Variants in LTBP1 observed in about 807,000 individuals in gnomAD.
LTBP1 encodes the protein latent transforming growth factor beta binding protein 1.
A neutral mutation model predicts 207.6 loss-of-function variants in LTBP1; 129 were observed. That is an observed-to-expected ratio of 0.62 (90% confidence interval 0.54 to 0.72). LTBP1 has a LOEUF of 0.72. Among genes scored for constraint, LTBP1 ranks in the 30% least tolerant of loss-of-function variants. LTBP1 has a pLI of 0.00. For synonymous variants in LTBP1, 963 were observed against 833.7 expected, an observed-to-expected ratio of 1.16 and a Z score of -2.67; for missense variants, 2,281 against 2,217.2, an observed-to-expected ratio of 1.03 and a Z score of -0.58.
At chr2:33,066,637 A>T (rs749165260) in intron 3 of LTBP1, among the ~76,000 whole-genome samples, 8 of 152,244 alleles carry the variant, frequency 5.3e-5, no homozygotes, top group Admixed American at 1.3e-4. Context: ...CGGTATGCTG[A>T]CATTACCAGA....
intron 5 of LTBP1, among the ~76,000 whole-genome samples, chr2:33,150,231 G>A (rs569158508): frequency 1.4e-4 from 21 of 152,234 alleles, no homozygotes; most frequent in African/African-American, 4.8e-4. Context: ...TTGCCTGGGA[G>A]ACTTGGAATT....
At chr2:32,990,268 G>A (rs984826644) in intron 2 of LTBP1, among the ~76,000 whole-genome samples, 5 of 152,204 alleles carry the variant, frequency 3.3e-5, no homozygotes, top group African/African-American at 4.8e-5. Flanking sequence ...ACTGGATATC[G>A]TCATGGTCTC....
chr2:32,958,669 C>T (rs1374187796), intron 2 of LTBP1, among the ~76,000 whole-genome samples: 1 of 152,208 alleles, frequency 6.6e-6, no homozygotes, highest in African/African-American at 2.4e-5. Flanking sequence ...TAATGCTGTC[C>T]TCTAAATACT....
intron 2 of LTBP1, among the ~76,000 whole-genome samples, chr2:32,956,600 C>T (rs1442631166): frequency 6.6e-6 from 1 of 152,164 alleles, no homozygotes; most frequent in Admixed American, 6.5e-5. Flanking sequence ...TCTTGAACTC[C>T]TCCAAGTCAT....
chr2:33,011,608 T>C (rs1321940889), intron 2 of LTBP1, among the ~76,000 whole-genome samples: 1 of 152,002 alleles, frequency 6.6e-6, no homozygotes, highest in African/African-American at 2.4e-5. Flanking sequence ...CCTTGGACTT[T>C]TAGCTCCCAG....
chr2:33,133,406 C>T (rs1346563816), intron 4 of LTBP1, among the ~76,000 whole-genome samples: 1 of 152,318 alleles, frequency 6.6e-6, no homozygotes, highest in East Asian at 1.9e-4. Flanking sequence ...GGCACTGCTT[C>T]TTGACGGCCT....
At chr2:33,264,160 G>T (rs1345195654) in intron 15 of LTBP1, among the ~76,000 whole-genome samples, 1 of 150,836 alleles carries the variant, frequency 6.6e-6, no homozygotes, top group Non-Finnish European at 1.5e-5. Flanking sequence ...GAAGGCTGAG[G>T]CAGGAGAATG....
chr2:33,246,757 G>T (rs2092527886), intron 10 of LTBP1, among the ~76,000 whole-genome samples: 2 of 152,156 alleles, frequency 1.3e-5, no homozygotes, highest in African/African-American at 4.8e-5. Context: ...AGAATTCCTT[G>T]ACTGCAGCCA....
intron 7 of LTBP1, among the ~76,000 whole-genome samples, chr2:33,213,786 T>C (rs1053865978): frequency 2.4e-4 from 37 of 152,232 alleles, no homozygotes; most frequent in African/African-American, 3.9e-4. Flanking sequence ...CTTATTCTTA[T>C]ACTGTGCAGA....
chr2:33,362,157 C>A (rs764361521), intron 28 of LTBP1, among the ~76,000 whole-genome samples: 17 of 152,140 alleles, frequency 1.1e-4, no homozygotes, highest in Non-Finnish European at 2.1e-4. Context: ...TTGACATTTT[C>A]ATGATAGAGA....
In LTBP1 at chr2:33,321,345, G is replaced by A. The variant is rs1466542522; in HGVS notation, c.3730+6076G>A. On this transcript the variant is annotated intron_variant, in intron 24 of 33. Coordinates refer to ENST00000404816, the MANE Select transcript of LTBP1 (RefSeq NM_206943.4). Reference sequence around the variant, plus strand: ...TACACATTCATCTGAAATGGAAACCGGTAAAAATTGCCAATGCGTTGACGT... The same window carrying A: ...TACACATTCATCTGAAATGGAAACCAGTAAAAATTGCCAATGCGTTGACGT... 3.3e-5 allele frequency among the ~76,000 whole-genome samples: 5 copies of A among 152,118 alleles called. No individual in the cohort carries two copies. In the South Asian group the frequency reaches 8.3e-4, roughly 25 times the overall value.
chr2:33,088,143 A>G (rs2078863682), intron 3 of LTBP1, among the ~76,000 whole-genome samples: 1 of 152,230 alleles, frequency 6.6e-6, no homozygotes, highest in African/African-American at 2.4e-5. Flanking sequence ...AATAATGCCA[A>G]AGAAGTCTCT....
intron 24 of LTBP1, among the ~76,000 whole-genome samples, chr2:33,339,867 A>G (rs1418485690): frequency 6.7e-6 from 1 of 150,322 alleles, no homozygotes; most frequent in Non-Finnish European, 1.5e-5. Flanking sequence ...CTGGTCTTGA[A>G]CTCCCGACCT....
rs560642071 is a variant in LTBP1, at chr2:33,202,821, CCTT to C, written c.1701+13974_1701+13976del. Among the ~76,000 whole-genome samples the C allele has an allele frequency of 3.2e-3, 482 of 152,298 alleles. 2 individuals are homozygous for C. The highest frequency in any genetic ancestry group is 5.2e-3 in the Non-Finnish European group (354 of 68,030). ...GATCTTGGACCAGTGCAGTGGCCTGCCTTCTTTTGGAGGAGCTGCTGGGCAGTG... is the reference window on the plus strand; with the variant it reads ...GATCTTGGACCAGTGCAGTGGCCTGCCTTTTGGAGGAGCTGCTGGGCAGTG... On this transcript the variant is annotated intron_variant, in intron 7 of 33. Coordinates refer to ENST00000404816, the MANE Select transcript of LTBP1 (RefSeq NM_206943.4).
intron 24 of LTBP1, among the ~76,000 whole-genome samples, chr2:33,321,432 G>C (rs1427515073): frequency 1.3e-5 from 2 of 152,120 alleles, no homozygotes; most frequent in African/African-American, 4.8e-5. Context: ...GGCTAATTTT[G>C]TATTCATTGG....
At chr2:33,216,513 C>G (rs2090715962) in intron 7 of LTBP1, among the ~76,000 whole-genome samples, 1 of 152,028 alleles carries the variant, frequency 6.6e-6, no homozygotes, top group South Asian at 2.1e-4. Context: ...CATTTTCAGA[C>G]AATGGAGAGT....
At chr2:33,030,385 C>T (rs979981395) in intron 3 of LTBP1, among the ~76,000 whole-genome samples, 1 of 152,154 alleles carries the variant, frequency 6.6e-6, no homozygotes, top group Non-Finnish European at 1.5e-5. Flanking sequence ...GCTCTTTTCT[C>T]TCCCTCTCCA....
chr2:32,975,899 G>C (rs1473754119), intron 2 of LTBP1, among the ~76,000 whole-genome samples: 1 of 152,008 alleles, frequency 6.6e-6, no homozygotes, highest in Non-Finnish European at 1.5e-5. Context: ...TTCTATGTCT[G>C]TCATTTCAGC....
chr2:33,342,834 G>A lies in LTBP1; in HGVS notation c.3731-4G>A. 1 of 1,609,786 alleles carries A rather than the reference G, an allele frequency of 6.2e-7. No individual in the cohort carries two copies. The highest frequency in any genetic ancestry group is 2.2e-5 in the East Asian group (1 of 44,842). On this transcript the variant is annotated splice_region_variant and splice_polypyrimidine_tract_variant and intron_variant, in intron 24 of 33. Transcript: ENST00000404816. ...GTGTCTGATGTTCCATGTCTTTTTTGCAGATATTGATGAATGTGTAAACAA... is the reference window on the plus strand; with the variant it reads ...GTGTCTGATGTTCCATGTCTTTTTTACAGATATTGATGAATGTGTAAACAA...
Sources: allele counts gnomAD v4.1 joint callset (sites outside exome capture counted in the v4.1 genomes callset), GRCh38; gene constraint gnomAD v4.1.1; transcripts MANE v1.5; gene names NCBI Gene and HGNC (gene_info 2026-07-23, HGNC 2026-07-21).